The following FAM228A variants were observed in gnomAD, a reference collection of about 807,000 sequenced individuals.
FAM228A encodes protein FAM228A.
FAM228A carries 13 observed loss-of-function variants against 18.6 expected under a neutral mutation model. The observed-to-expected ratio is 0.70, with a 90% confidence interval of 0.45 to 1.11. The LOEUF (loss-of-function observed/expected upper bound fraction) is 1.11, where lower values mean the gene tolerates loss of function less well. FAM228A is among the 50% of genes least tolerant of loss of function. The probability of loss-of-function intolerance (pLI) is 0.00; values close to 1 mark genes in which losing one functional copy is unlikely to be tolerated. For synonymous variants in FAM228A, 77 were observed against 86.6 expected (o/e 0.89, Z 0.61); for missense variants, 240 against 242.2 (o/e 0.99, Z 0.06).
At chr2:24,178,790 AG>A (rs1327080646) in intron 3 of FAM228A, among the ~76,000 whole-genome samples, 1 of 152,218 alleles carries the variant, frequency 6.6e-6, no homozygotes, top group African/African-American at 2.4e-5. Context: ...GTGGGTGACC[AG>A]GGAATGCTTG....
chr2:24,177,042 A>G (rs1425362672), intron 2 of FAM228A, among the ~76,000 whole-genome samples: 1 of 152,208 alleles, frequency 6.6e-6, no homozygotes, highest in Non-Finnish European at 1.5e-5. Flanking sequence ...GCTCTCACTA[A>G]TTAGCTCTGA....
Position 24,191,457 on chromosome 2 carries a change from A to G in FAM228A, c.*826A>G. 2 of 985,434 alleles carry G rather than the reference A, an allele frequency of 2.0e-6. No individual in the cohort carries two copies. Among genetic ancestry groups the G allele is most frequent in the Non-Finnish European group, 2.4e-6 (2 of 829,920 alleles). 61.0% of individuals were successfully genotyped at this position (985,434 alleles called of 1,614,324 possible). A position where few individuals can be genotyped will look rare whatever the true frequency, so the allele number is the denominator to read the frequency against. On this transcript the variant is annotated 3_prime_UTR_variant, in exon 6 of 6. Coordinates refer to ENST00000295150, the MANE Select transcript of FAM228A (RefSeq NM_001040710.3). ...TGTGGTAAGTTACCTGTGACTCTTC[A>G]GCAGTTTCCTCTGAGCATAATTATA...
intron 5 of FAM228A, among the ~76,000 whole-genome samples, chr2:24,184,862 C>T (rs1228697560): frequency 5.6e-5 from 8 of 142,140 alleles, no homozygotes; most frequent in South Asian, 2.4e-4. Flanking sequence ...CTCATTCTAT[C>T]GTCAGGCTGG....
intron 2 of FAM228A, chr2:24,176,105 A>G (rs1417275159): frequency 3.0e-6 from 3 of 985,446 alleles, no homozygotes; most frequent in Non-Finnish European, 2.4e-6. Flanking sequence ...ATCACAAAGA[A>G]GAGCCATCAA....
At chr2:24,180,767 A>T (rs1667798529) in intron 3 of FAM228A, among the ~76,000 whole-genome samples, 1 of 152,212 alleles carries the variant, frequency 6.6e-6, no homozygotes, top group Non-Finnish European at 1.5e-5. Flanking sequence ...AGTGGGAAGC[A>T]TCAGAGTCTT....
At chr2:24,185,877 T>TTA (rs1667937240) in intron 5 of FAM228A, among the ~76,000 whole-genome samples, 1 of 152,144 alleles carries the variant, frequency 6.6e-6, no homozygotes, top group South Asian at 2.1e-4. Flanking sequence ...TATTTTATTA[T>TTA]TATATATAAT....
intron 3 of FAM228A, among the ~76,000 whole-genome samples, chr2:24,182,809 T>C (rs1184458729): frequency 6.6e-6 from 1 of 151,846 alleles, no homozygotes; most frequent in African/African-American, 2.4e-5. Flanking sequence ...TACTGGCTGA[T>C]GCAATGACAC....
intron 3 of FAM228A, among the ~76,000 whole-genome samples, chr2:24,178,780 G>A (rs919193556): frequency 1.3e-5 from 2 of 152,212 alleles, no homozygotes; most frequent in Non-Finnish European, 2.9e-5. Flanking sequence ...TAGACACAGA[G>A]TGGGTGACCA....
At chr2:24,175,441 C>A (rs761169252) in intron 1 of FAM228A, 26 bp from the exon 2 acceptor site, 9 of 1,521,404 alleles carry the variant, frequency 5.9e-6, no homozygotes, top group African/African-American at 1.4e-5. Flanking sequence ...TCTTCCTCAG[C>A]CTCAGTTTAC....
chr2:24,183,714 T>C, intron 5 of FAM228A, 69 bp downstream of exon 5: 2 of 1,326,460 alleles, frequency 1.5e-6, no homozygotes, highest in Non-Finnish European at 2.1e-6. Flanking sequence ...CTGAAGCTCT[T>C]GTAACTAGTC....
chr2:24,178,117 G>T (rs1040697418), intron 3 of FAM228A, among the ~76,000 whole-genome samples: 11 of 152,142 alleles, frequency 7.2e-5, no homozygotes, highest in African/African-American at 2.7e-4. Flanking sequence ...TGTTCCAATT[G>T]CTCCTTCTCT....
At position 24,190,985 on chromosome 2, in the gene FAM228A, G is replaced by C. The variant is rs977367964; in HGVS notation, c.*354G>C. 24 of 1,032,380 alleles carry C rather than the reference G, an allele frequency of 2.3e-5. No homozygotes were observed. The highest frequency in any genetic ancestry group is 5.8e-6 in the Non-Finnish European group (5 of 860,716). The allele number at this position is 1,032,380 out of a possible 1,614,324, so 64.0% of individuals were successfully genotyped here. A position where few individuals can be genotyped will look rare whatever the true frequency, so the allele number is the denominator to read the frequency against. On this transcript the variant is annotated 3_prime_UTR_variant, in exon 6 of 6. Coordinates refer to ENST00000295150, the MANE Select transcript of FAM228A (RefSeq NM_001040710.3). The stretch of plus-strand genomic sequence containing the variant: ...CTCCATCCAAACTGCACCAAAGATG[G>C]TGTTCTCCTTAGTCCACACACAACT...
Position 24,183,340 on chromosome 2 carries a change from A to G in FAM228A, c.218A>G (p.Glu73Gly), listed in dbSNP as rs1232626458. 2 of 1,614,066 alleles carry G rather than the reference A, an allele frequency of 1.2e-6. No individual in the cohort carries two copies. The highest frequency in any genetic ancestry group is 4.5e-5 in the East Asian group (2 of 44,886). Residue 73 changes from glutamate (E) to glycine (G), a missense_variant, in exon 4 of 6, where the codon GAA becomes GGA. Transcript: ENST00000295150. ...PLFQRQQEVD[E>G]ERRTGLQCET... ...TTTCAAAGACAGCAAGAGGTGGATG[A>G]AGAGAGGAGAACTGGTCTTCAGTGT...
intron 5 of FAM228A, among the ~76,000 whole-genome samples, chr2:24,184,527 C>T (rs1372683258): frequency 6.6e-6 from 1 of 152,058 alleles, no homozygotes; most frequent in Non-Finnish European, 1.5e-5. Context: ...AGTGTATTAA[C>T]TTCTGTTTTC....
chr2:24,186,850 G>A (rs1667960901), intron 5 of FAM228A, among the ~76,000 whole-genome samples: 1 of 152,052 alleles, frequency 6.6e-6, no homozygotes, highest in South Asian at 2.1e-4. Context: ...TGGTCAGGCT[G>A]GTCTCAAACT....
At chr2:24,180,804 T>G (rs970186628) in intron 3 of FAM228A, among the ~76,000 whole-genome samples, 4 of 152,158 alleles carry the variant, frequency 2.6e-5, no homozygotes, top group Non-Finnish European at 5.9e-5. Context: ...AACCTGTCAT[T>G]CCTGATGTCA....
intron 3 of FAM228A, among the ~76,000 whole-genome samples, chr2:24,180,938 G>A (rs1193128917): frequency 1.3e-5 from 2 of 152,182 alleles, no homozygotes; most frequent in Non-Finnish European, 2.9e-5. Flanking sequence ...ACACGAGGGG[G>A]AATGAACCTT....
intron 5 of FAM228A, among the ~76,000 whole-genome samples, chr2:24,183,956 T>TGG (rs1366768570): frequency 6.6e-6 from 1 of 152,192 alleles, no homozygotes; most frequent in African/African-American, 2.4e-5. Flanking sequence ...GCTCTCCCTG[T>TGG]GGTGTTATCA....
chr2:24,191,164 G>T lies in FAM228A; in HGVS notation c.*533G>T, dbSNP rs1668075457. The T allele has an allele frequency of 1.0e-6, 1 of 985,458 alleles. No homozygotes were observed. The highest frequency in any genetic ancestry group is 1.7e-5 in the African/African-American group (1 of 57,222). 61.0% of individuals were successfully genotyped at this position (985,458 alleles called of 1,614,324 possible). On this transcript the variant is annotated 3_prime_UTR_variant, in exon 6 of 6. Coordinates refer to ENST00000295150, the MANE Select transcript of FAM228A (RefSeq NM_001040710.3). ...CATTTGACACAGTTTTCAGCTCCTG[G>T]TCTATTTCCCCTTCCATTCTCTCCG...
Sources: gnomAD v4.1 joint callset for allele counts (sites outside exome capture counted in the v4.1 genomes callset) on GRCh38, gnomAD v4.1.1 for gene constraint, MANE v1.5 for transcripts, NCBI Gene and HGNC (gene_info 2026-07-23, HGNC 2026-07-21) for gene names.